UST: variants seen among roughly 807,000 people sequenced by gnomAD.
UST encodes uronyl 2-sulfotransferase.
A neutral mutation model predicts 45.6 loss-of-function variants in UST; 21 were observed. That is an observed-to-expected ratio of 0.46 (90% CI 0.33 to 0.66). The LOEUF (loss-of-function observed/expected upper bound fraction) is 0.66, where lower values mean the gene tolerates loss of function less well. Among genes scored for constraint, UST ranks in the 30% least tolerant of loss-of-function variants. UST has a pLI of 0.02. For synonymous variants in UST, 215 were observed against 200.6 expected, an observed-to-expected ratio of 1.07 and a Z score of -0.61; for missense variants, 463 against 512.4, an observed-to-expected ratio of 0.90 and a Z score of 0.93.
chr6:148,871,762 T>C (rs553947369), intron 1 of UST, among the ~76,000 whole-genome samples: 1 of 152,170 alleles, frequency 6.6e-6, no homozygotes, highest in Admixed American at 6.5e-5. Flanking sequence ...AGAAAGAATT[T>C]CATTACATAA....
intron 1 of UST, among the ~76,000 whole-genome samples, chr6:148,803,961 C>G (rs1777101317): frequency 6.6e-6 from 1 of 152,216 alleles, no homozygotes; most frequent in Non-Finnish European, 1.5e-5. Flanking sequence ...CATCATCTCC[C>G]TGGCTTGATT....
chr6:148,996,865 G>A (rs1324322806), intron 5 of UST, among the ~76,000 whole-genome samples: 2 of 152,098 alleles, frequency 1.3e-5, no homozygotes, highest in Non-Finnish European at 2.9e-5. Flanking sequence ...ATAAGAGAAA[G>A]GAAAGAGTAA....
intron 2 of UST, among the ~76,000 whole-genome samples, chr6:148,940,322 AC>A (rs2114921574): frequency 6.9e-6 from 1 of 145,624 alleles, no homozygotes; most frequent in South Asian, 2.2e-4. Flanking sequence ...CCCTGTCTCT[AC>A]CAAAAAAAAA....
chr6:148,845,103 A>G (rs1052170852), intron 1 of UST, among the ~76,000 whole-genome samples: 2 of 152,162 alleles, frequency 1.3e-5, no homozygotes, highest in African/African-American at 2.4e-5. Context: ...ATAAGAGTGC[A>G]TGTGTCTTTT....
chr6:148,988,574 A>AG (rs71730977), intron 5 of UST, among the ~76,000 whole-genome samples: 9 of 20,870 alleles, frequency 4.3e-4, no homozygotes, highest in Admixed American at 1.2e-3. Flanking sequence ...ACCCTGTCTC[A>AG]AAAAAAAAAA....
At chr6:148,797,062 G>C (rs1300912050) in intron 1 of UST, among the ~76,000 whole-genome samples, 1 of 152,032 alleles carries the variant, frequency 6.6e-6, no homozygotes, top group East Asian at 1.9e-4. Flanking sequence ...CAAAGTGCTA[G>C]GATTATAGGC....
At chr6:149,040,512 A>G (rs1444442450) in intron 7 of UST, among the ~76,000 whole-genome samples, 4 of 152,070 alleles carry the variant, frequency 2.6e-5, no homozygotes, top group African/African-American at 9.7e-5. Flanking sequence ...AAAATGAGCC[A>G]GGCATGGTGG....
At chr6:148,931,002 A>C (rs1779911581) in intron 2 of UST, among the ~76,000 whole-genome samples, 1 of 152,216 alleles carries the variant, frequency 6.6e-6, no homozygotes, top group African/African-American at 2.4e-5. Context: ...CTTTGATGAG[A>C]GAGGAGTCTT....
chr6:149,022,981 C>T (rs1775999817), intron 7 of UST, among the ~76,000 whole-genome samples: 1 of 152,138 alleles, frequency 6.6e-6, no homozygotes, highest in Non-Finnish European at 1.5e-5. Flanking sequence ...ATTTTTATTT[C>T]TAGAAGACAA....
chr6:148,860,344 T>A (rs1486666721), intron 1 of UST, among the ~76,000 whole-genome samples: 1 of 152,228 alleles, frequency 6.6e-6, no homozygotes, highest in African/African-American at 2.4e-5. Flanking sequence ...CACATTGATT[T>A]TGTATCCTGA....
chr6:148,808,196 C>T (rs1204467739), intron 1 of UST, among the ~76,000 whole-genome samples: 1 of 152,158 alleles, frequency 6.6e-6, no homozygotes, highest in Non-Finnish European at 1.5e-5. Flanking sequence ...AGAAAGGGTG[C>T]TCCAGGCAGG....
At chr6:149,033,512 T>C (rs903391238) in intron 7 of UST, among the ~76,000 whole-genome samples, 4 of 152,242 alleles carry the variant, frequency 2.6e-5, no homozygotes, top group South Asian at 4.1e-4. Flanking sequence ...AATATACCTG[T>C]GTATATAACA....
intron 1 of UST, among the ~76,000 whole-genome samples, chr6:148,774,893 C>T (rs940048498): frequency 3.9e-5 from 6 of 152,180 alleles, no homozygotes; most frequent in East Asian, 1.9e-4. Flanking sequence ...TGGCAGGCGC[C>T]TGTAATCCCA....
At chr6:148,749,001 G>A (rs1562555567) in intron 1 of UST, among the ~76,000 whole-genome samples, 2 of 151,732 alleles carry the variant, frequency 1.3e-5, no homozygotes, top group Non-Finnish European at 2.9e-5. Flanking sequence ...AGTTACAAAT[G>A]TGTTAGGGCA....
intron 5 of UST, among the ~76,000 whole-genome samples, chr6:148,968,603 A>G (rs1379737843): frequency 6.6e-6 from 1 of 152,222 alleles, no homozygotes; most frequent in East Asian, 1.9e-4. Flanking sequence ...AATACCTGGC[A>G]CACAGACCAT....
chr6:148,974,794 A>G (rs1456168733), intron 5 of UST, among the ~76,000 whole-genome samples: 1 of 152,252 alleles, frequency 6.6e-6, no homozygotes, highest in East Asian at 1.9e-4. Context: ...ATTTCATATT[A>G]CAAAGTAAAA....
At chr6:149,010,594 A>G (rs559482309) in intron 5 of UST, among the ~76,000 whole-genome samples, 1 of 152,194 alleles carries the variant, frequency 6.6e-6, no homozygotes, top group African/African-American at 2.4e-5. Flanking sequence ...ACATTTCAGC[A>G]TAAAACTGTG....
intron 1 of UST, among the ~76,000 whole-genome samples, chr6:148,769,089 G>A (rs992671581): frequency 1.3e-5 from 2 of 152,224 alleles, no homozygotes; most frequent in African/African-American, 4.8e-5. Flanking sequence ...TTCCTACTGG[G>A]TCTTGAGCAA....
intron 6 of UST, among the ~76,000 whole-genome samples, chr6:149,020,620 T>A (rs576077167): frequency 5.3e-4 from 80 of 152,264 alleles, no homozygotes; most frequent in African/African-American, 1.9e-3. Flanking sequence ...AAGGGTGATT[T>A]TTACCATTTT....
Sources: gnomAD v4.1 joint callset for allele counts (sites outside exome capture counted in the v4.1 genomes callset) on GRCh38, gnomAD v4.1.1 for gene constraint, MANE v1.5 for transcripts, NCBI Gene and HGNC (gene_info 2026-07-23, HGNC 2026-07-21) for gene names.